ZCWPW2: variants seen among roughly 807,000 people sequenced by gnomAD.
ZCWPW2 encodes the protein zinc finger CW-type PWWP domain protein 2.
In ZCWPW2, 45 loss-of-function variants were observed where a neutral mutation model predicts 46.6. The ratio of observed to expected loss-of-function variants is 0.96; its 90% confidence interval spans 0.76 to 1.24. The LOEUF is 1.24. Among genes scored for constraint, ZCWPW2 ranks in the 50% most tolerant of loss-of-function variants. ZCWPW2 has a pLI of 0.00. For missense variants in ZCWPW2, 429 were observed against 403.9 expected (o/e 1.06, Z -0.53); for synonymous variants, 152 against 137.1 (o/e 1.11, Z -0.76).
chr3:28,489,987 C>A (rs998069679), intron 5 of ZCWPW2, among the ~76,000 whole-genome samples: 2 of 151,808 alleles, frequency 1.3e-5, no homozygotes, highest in Non-Finnish European at 2.9e-5. Flanking sequence ...CAAAAAATAA[C>A]CCCATTAAAA....
At chr3:28,472,636 G>A (rs1002849194) in intron 4 of ZCWPW2, among the ~76,000 whole-genome samples, 1 of 152,058 alleles carries the variant, frequency 6.6e-6, no homozygotes, top group African/African-American at 2.4e-5. Flanking sequence ...AAACTTTGGG[G>A]AAACTCACCA....
intron 8 of ZCWPW2, 90 bp downstream of exon 8, chr3:28,515,711 T>G: frequency 8.8e-7 from 1 of 1,139,676 alleles, no homozygotes; most frequent in Non-Finnish European, 1.2e-6. Context: ...AAAAAAAAGA[T>G]TTCCTGTGTG....
chr3:28,416,731 C>G (rs1443685798), intron 3 of ZCWPW2, among the ~76,000 whole-genome samples: 2 of 53,632 alleles, frequency 3.7e-5, no homozygotes, highest in Non-Finnish European at 7.3e-5. Flanking sequence ...ATGAAGAGTT[C>G]TTGAATTTTG....
In ZCWPW2 at chr3:28,433,092, TAC is replaced by T. The variant is rs71626517; in HGVS notation, c.333-1994_333-1993del. ...CACTTCAATAAGCAAAGCATATTCT[TAC>T]ACACACACACACACACACACACAAA... On this transcript the variant is annotated intron_variant, in intron 3 of 9. Coordinates refer to ENST00000383768, the MANE Select transcript of ZCWPW2 (RefSeq NM_001040432.4). Among the ~76,000 whole-genome samples the T allele has an allele frequency of 1.8e-3, 264 of 148,768 alleles. 1 individual carries two copies. Among genetic ancestry groups the T allele is most frequent in the South Asian group, 0.013 (63 of 4,700 alleles).
chr3:28,358,439 A>G (rs1248271010), intron 1 of ZCWPW2, among the ~76,000 whole-genome samples: 1 of 152,122 alleles, frequency 6.6e-6, no homozygotes, highest in African/African-American at 2.4e-5. Flanking sequence ...ATTATCATTG[A>G]TATTATAAAA....
At chr3:28,384,172 A>G (rs1695193622) in intron 1 of ZCWPW2, among the ~76,000 whole-genome samples, 1 of 152,112 alleles carries the variant, frequency 6.6e-6, no homozygotes, top group Admixed American at 6.5e-5. Flanking sequence ...GTGTTTATTT[A>G]TTTGTTACTA....
intron 8 of ZCWPW2, among the ~76,000 whole-genome samples, chr3:28,515,939 A>C (rs1415682662): frequency 6.6e-6 from 1 of 151,826 alleles, no homozygotes; most frequent in Non-Finnish European, 1.5e-5. Flanking sequence ...CATGTATTTA[A>C]TTTTTTAAAA....
intron 1 of ZCWPW2, among the ~76,000 whole-genome samples, chr3:28,370,225 A>C (rs577263032): frequency 2.5e-4 from 38 of 152,306 alleles, no homozygotes; most frequent in Middle Eastern, 6.8e-3. Flanking sequence ...GGAAATGCAG[A>C]AATCACCCGT....
chr3:28,361,636 A>G (rs757229553), intron 1 of ZCWPW2, among the ~76,000 whole-genome samples: 1 of 152,164 alleles, frequency 6.6e-6, no homozygotes, highest in Non-Finnish European at 1.5e-5. Context: ...CATGCATCTG[A>G]TAGGGGATTA....
At chr3:28,350,329 A>C (rs940467934) in intron 1 of ZCWPW2, among the ~76,000 whole-genome samples, 2 of 152,348 alleles carry the variant, frequency 1.3e-5, no homozygotes, top group Middle Eastern at 3.4e-3. Context: ...TTCACAATTT[A>C]AAATAATTTA....
At chr3:28,377,979 T>C (rs1270668025) in intron 1 of ZCWPW2, among the ~76,000 whole-genome samples, 1 of 152,110 alleles carries the variant, frequency 6.6e-6, no homozygotes, top group Non-Finnish European at 1.5e-5. Context: ...TATGCTGTTT[T>C]CGTCCTTTCT....
chr3:28,355,306 C>CTCT lies in ZCWPW2; in HGVS notation c.-134+6106_-134+6108dup, dbSNP rs1156766796. ...CCAACTTACAAGGAATGTGAAGGAC[C>CTCT]TCTTCAAGGAGAATTACAAACCACT... On this transcript the variant is annotated intron_variant, in intron 1 of 9. Transcript: ENST00000383768. Among the ~76,000 whole-genome samples, 3 of 152,278 alleles carry CTCT rather than the reference C, an allele frequency of 2.0e-5. No homozygotes were observed. The East Asian group carries it at 5.8e-4, about 29-fold the overall frequency.
At chr3:28,469,609 G>C (rs954112148) in intron 4 of ZCWPW2, among the ~76,000 whole-genome samples, 1 of 151,834 alleles carries the variant, frequency 6.6e-6, no homozygotes, top group Non-Finnish European at 1.5e-5. Flanking sequence ...GACAAAAACT[G>C]TAAGAAGAGA....
At position 28,525,243 on chromosome 3, in the gene ZCWPW2, C is replaced by CT. The variant is rs1241131446; in HGVS notation, c.*557dup. 1 of 152,234 alleles carries CT rather than the reference C, an allele frequency of 6.6e-6. No homozygotes were observed. Among genetic ancestry groups the CT allele is most frequent in the Non-Finnish European group, 1.5e-5 (1 of 68,124 alleles). The allele number at this position is 152,234 out of a possible 1,614,324, so 9.4% of individuals were successfully genotyped here. A position where few individuals can be genotyped will look rare whatever the true frequency, so the allele number is the denominator to read the frequency against. On this transcript the variant is annotated 3_prime_UTR_variant, in exon 10 of 10. Coordinates refer to ENST00000383768, the MANE Select transcript of ZCWPW2 (RefSeq NM_001040432.4). ...CAACCATGGTACCCAAAACTGACTG[C>CT]TTAATAGAGTCTCTGGGAGATTTTG...
intron 4 of ZCWPW2, among the ~76,000 whole-genome samples, chr3:28,453,168 C>A (rs1698290611): frequency 6.6e-6 from 1 of 152,202 alleles, no homozygotes; most frequent in African/African-American, 2.4e-5. Flanking sequence ...GGAAGGAGAA[C>A]AGGAAATACT....
intron 6 of ZCWPW2, among the ~76,000 whole-genome samples, chr3:28,499,878 A>G (rs533879157): frequency 6.6e-6 from 1 of 152,016 alleles, no homozygotes; most frequent in Admixed American, 6.6e-5. Flanking sequence ...TGTTACAAAC[A>G]TTTTCTGATT....
At chr3:28,474,029 A>G (rs1244777482) in intron 4 of ZCWPW2, among the ~76,000 whole-genome samples, 2 of 152,204 alleles carry the variant, frequency 1.3e-5, no homozygotes, top group Non-Finnish European at 2.9e-5. Flanking sequence ...GTATAATTGG[A>G]TTGTTTGTAA....
intron 8 of ZCWPW2, among the ~76,000 whole-genome samples, chr3:28,518,338 A>C (rs1054003066): frequency 9.2e-5 from 14 of 152,190 alleles, no homozygotes; most frequent in Middle Eastern, 3.2e-3. Flanking sequence ...TTGGTCATGC[A>C]ATCAGCAAAG....
chr3:28,375,250 A>C (rs1167832116), intron 1 of ZCWPW2, among the ~76,000 whole-genome samples: 1 of 151,010 alleles, frequency 6.6e-6, no homozygotes, highest in Non-Finnish European at 1.5e-5. Flanking sequence ...AGTTGAAGTG[A>C]GTTTCTTGTA....
Sources: gnomAD v4.1 joint callset for allele counts (sites outside exome capture counted in the v4.1 genomes callset) on GRCh38, gnomAD v4.1.1 for gene constraint, MANE v1.5 for transcripts, NCBI Gene and HGNC (gene_info 2026-07-23, HGNC 2026-07-21) for gene names.